Variants in FERMT2 observed in about 807,000 individuals in gnomAD.
FERMT2 encodes the protein fermitin family homolog 2.
In FERMT2, 15 loss-of-function variants were observed where a neutral mutation model predicts 82.7. The observed-to-expected ratio is 0.18, with a 90% confidence interval of 0.12 to 0.28. The LOEUF (loss-of-function observed/expected upper bound fraction) is 0.28, where lower values mean the gene tolerates loss of function less well. Among genes scored for constraint, FERMT2 ranks in the 10% least tolerant of loss-of-function variants. The pLI, the probability that FERMT2 is intolerant of heterozygous loss-of-function variation, is 1.00. For synonymous variants in FERMT2, 274 were observed against 271.5 expected, an observed-to-expected ratio of 1.01 and a Z score of -0.09; for missense variants, 645 against 809.4, an observed-to-expected ratio of 0.80 and a Z score of 2.46.
At chr14:52,950,605 T>G (rs1320647477) in intron 1 of FERMT2, 28 bp from the exon 2 acceptor site, 1 of 1,606,762 alleles carries the variant, frequency 6.2e-7, no homozygotes, top group Non-Finnish European at 8.5e-7. Flanking sequence ...ATGGCTCTCG[T>G]AAGCGTCACT....
chr14:52,908,317 C>T (rs1888130426), intron 3 of FERMT2, among the ~76,000 whole-genome samples: 1 of 152,174 alleles, frequency 6.6e-6, no homozygotes, highest in South Asian at 2.1e-4. Context: ...ACCCAGAAAC[C>T]TACCGTAGTT....
chr14:52,946,570 T>C (rs752081057), intron 2 of FERMT2, among the ~76,000 whole-genome samples: 1 of 152,194 alleles, frequency 6.6e-6, no homozygotes, highest in Non-Finnish European at 1.5e-5. Flanking sequence ...AGAGGATTAC[T>C]TGAGCCCAGA....
At chr14:52,949,930 A>C (rs1469581915) in intron 2 of FERMT2, among the ~76,000 whole-genome samples, 1 of 152,152 alleles carries the variant, frequency 6.6e-6, no homozygotes, top group East Asian at 1.9e-4. Flanking sequence ...CAGCCACAGA[A>C]ACTTCACACT....
intron 3 of FERMT2, among the ~76,000 whole-genome samples, chr14:52,906,947 G>A (rs62003537): frequency 2.4e-5 from 1 of 41,314 alleles, no homozygotes; most frequent in African/African-American, 7.8e-5. Flanking sequence ...ATCAATTATT[G>A]GGGGGGGGGG....
intron 2 of FERMT2, among the ~76,000 whole-genome samples, chr14:52,921,654 T>C (rs1053468021): frequency 2.6e-5 from 4 of 152,278 alleles, no homozygotes; most frequent in Non-Finnish European, 5.9e-5. Context: ...GTAGAGTTAC[T>C]GTTGAGCTGA....
At chr14:52,941,595 C>T (rs1488328323) in intron 2 of FERMT2, among the ~76,000 whole-genome samples, 2 of 152,152 alleles carry the variant, frequency 1.3e-5, no homozygotes, top group Non-Finnish European at 2.9e-5. Context: ...TAAAAATACA[C>T]TTTCAGATGT....
At chr14:52,858,750 T>C (rs1438961474) in intron 14 of FERMT2, 200 bp from the exon 15 acceptor site, 4 of 495,990 alleles carry the variant, frequency 8.1e-6, no homozygotes, top group African/African-American at 7.6e-5. Flanking sequence ...CCCTACACTT[T>C]AAGTTTTCAT....
chr14:52,906,260 C>T (rs564806447), intron 3 of FERMT2, among the ~76,000 whole-genome samples: 2 of 152,100 alleles, frequency 1.3e-5, no homozygotes, highest in East Asian at 3.9e-4. Context: ...AGTCTAGCTA[C>T]CAGAGACTGT....
At chr14:52,918,564 T>C (rs1199559505) in intron 3 of FERMT2, among the ~76,000 whole-genome samples, 1 of 152,244 alleles carries the variant, frequency 6.6e-6, no homozygotes, top group African/African-American at 2.4e-5. Context: ...GCACTAGTGG[T>C]AGTGACAGCA....
intron 4 of FERMT2, among the ~76,000 whole-genome samples, chr14:52,890,500 T>C (rs978981961): frequency 2.6e-5 from 4 of 151,550 alleles, no homozygotes; most frequent in Non-Finnish European, 5.9e-5. Flanking sequence ...CTTATGGGAC[T>C]ACAGTCATAT....
Position 52,906,841 on chromosome 14 carries a change from G to C in FERMT2, c.391+12282C>G, listed in dbSNP as rs1888037404. On this transcript the variant is annotated intron_variant, in intron 3 of 14. Coordinates refer to ENST00000341590, the MANE Select transcript of FERMT2 (RefSeq NM_006832.3). Reference sequence around the variant, plus strand: ...TCATAATCAAATTGCTGATAACCAAGGTAAAGATAAAATCTTCCAAGGCAG... The same window carrying C: ...TCATAATCAAATTGCTGATAACCAACGTAAAGATAAAATCTTCCAAGGCAG... Among the ~76,000 whole-genome samples the C allele has an allele frequency of 3.4e-5, 5 of 147,908 alleles. No individual in the cohort carries two copies. In the South Asian group the frequency reaches 1.1e-3, roughly 32 times the overall value.
chr14:52,859,621 C>T lies in FERMT2; in HGVS notation c.1821G>A (p.Trp607Ter). Residue 607 changes from tryptophan to a stop codon, truncating the protein, a stop_gained, in exon 14 of 15, where the codon TGG (tryptophan) becomes TGA (stop). Transcript: ENST00000341590. LOFTEE classifies it high-confidence loss of function. ...TCCACTGTTTCATGTTGCTGAAACG[C>T]CATGTTTTAATTGCATCTCCAGTGC... is the stretch of plus-strand genomic sequence containing the variant. ...DASTGDAIKT[W>*]RFSNMKQWNV... is the part of the protein sequence containing the mutation. 6.2e-7 allele frequency: 1 copy of T among 1,611,462 alleles called. No homozygotes were observed. Among genetic ancestry groups the T allele is most frequent in the Non-Finnish European group, 8.5e-7 (1 of 1,178,572 alleles).
chr14:52,908,364 A>G (rs1169944324), intron 3 of FERMT2, among the ~76,000 whole-genome samples: 1 of 152,214 alleles, frequency 6.6e-6, no homozygotes, highest in East Asian at 1.9e-4. Context: ...GTTCCCACAA[A>G]GACCTGTAAG....
intron 3 of FERMT2, among the ~76,000 whole-genome samples, chr14:52,903,324 GGTCAGGAGCT>G (rs1887787658): frequency 6.6e-6 from 1 of 152,074 alleles, no homozygotes; most frequent in African/African-American, 2.4e-5. Flanking sequence ...GGCTGCTTGA[GGTCAGGAGCT>G]CAAGACCAGT....
chr14:52,888,034 A>G (rs1886713851), intron 4 of FERMT2, among the ~76,000 whole-genome samples: 1 of 152,190 alleles, frequency 6.6e-6, no homozygotes, highest in Admixed American at 6.5e-5. Flanking sequence ...ATTGTTGACC[A>G]TGGAGGAGGA....
chr14:52,861,228 G>T (rs1000418892), intron 12 of FERMT2: 4 of 553,974 alleles, frequency 7.2e-6, no homozygotes, highest in African/African-American at 5.9e-5. Context: ...AAATGAGGAA[G>T]CAGCAATTAC....
At chr14:52,912,194 G>GTT (rs1888355010) in intron 3 of FERMT2, among the ~76,000 whole-genome samples, 1 of 152,058 alleles carries the variant, frequency 6.6e-6, no homozygotes, top group African/African-American at 2.4e-5. Flanking sequence ...CTGTGCCCTT[G>GTT]GTATCTGCTC....
intron 2 of FERMT2, among the ~76,000 whole-genome samples, chr14:52,923,655 A>T (rs2139652003): frequency 6.6e-6 from 1 of 152,084 alleles, no homozygotes; most frequent in South Asian, 2.1e-4. Flanking sequence ...AGGGGATAGG[A>T]TCCAAAGATT....
At chr14:52,937,663 T>C (rs1298174528) in intron 2 of FERMT2, among the ~76,000 whole-genome samples, 1 of 152,206 alleles carries the variant, frequency 6.6e-6, no homozygotes, top group Non-Finnish European at 1.5e-5. Flanking sequence ...TGGCTCTCCG[T>C]AAATGTTTGT....
Sources: gnomAD v4.1 joint callset for allele counts (sites outside exome capture counted in the v4.1 genomes callset) on GRCh38, gnomAD v4.1.1 for gene constraint, MANE v1.5 for transcripts, NCBI Gene and HGNC (gene_info 2026-07-23, HGNC 2026-07-21) for gene names.